Variants in SLC24A2 observed in about 807,000 individuals in gnomAD.
The protein encoded by SLC24A2 is sodium/potassium/calcium exchanger 2.
Under a neutral mutation model 62.0 loss-of-function variants are expected in SLC24A2, and 36 were observed. The observed-to-expected ratio is 0.58, with a 90% CI of 0.44 to 0.77. The LOEUF is 0.77. Among genes scored for constraint, SLC24A2 ranks in the 30% least tolerant of loss-of-function variants. The pLI is 0.00. For synonymous variants in SLC24A2, 358 were observed against 294.0 expected (o/e 1.22, Z -2.23); for missense variants, 846 against 817.9 (o/e 1.03, Z -0.42).
At chr9:20,072,223 C>G in the SLC24A2 span, among the ~76,000 whole-genome samples, 1 of 152,148 alleles carries the variant, frequency 6.6e-6, no homozygotes, top group African/African-American at 2.4e-5. Context: ...GTAAACCCAG[C>G]AACGCCTATC....
chr9:20,154,607 T>C, the SLC24A2 span, among the ~76,000 whole-genome samples: 1 of 150,824 alleles, frequency 6.6e-6, no homozygotes, highest in Admixed American at 6.6e-5. Context: ...GGTGTAGTTA[T>C]AACCATGTCA....
At chr9:19,706,443 G>C (rs62564206) in intron 2 of SLC24A2, among the ~76,000 whole-genome samples, 1 of 149,158 alleles carries the variant, frequency 6.7e-6, no homozygotes, top group Non-Finnish European at 1.5e-5. Context: ...GCAGTGGCGC[G>C]ATCTCGACTC....
chr9:20,266,240 T>A, the SLC24A2 span, among the ~76,000 whole-genome samples: 1 of 152,208 alleles, frequency 6.6e-6, no homozygotes, highest in Non-Finnish European at 1.5e-5. Flanking sequence ...GCTGGTTTTG[T>A]GGGTTGTGGG....
At chr9:19,684,248 C>G (rs1173744946) in intron 2 of SLC24A2, among the ~76,000 whole-genome samples, 1 of 152,034 alleles carries the variant, frequency 6.6e-6, no homozygotes, top group Non-Finnish European at 1.5e-5. Context: ...GTGGTTTGTT[C>G]TAAAAGAGGC....
chr9:19,989,563 T>A, the SLC24A2 span, among the ~76,000 whole-genome samples: 1 of 152,206 alleles, frequency 6.6e-6, no homozygotes, highest in Non-Finnish European at 1.5e-5. Context: ...TACTAAGTGA[T>A]CTGTCACTAT....
chr9:19,524,035 A>G (rs1479376419), intron 9 of SLC24A2, among the ~76,000 whole-genome samples: 1 of 149,726 alleles, frequency 6.7e-6, no homozygotes, highest in South Asian at 2.2e-4. Context: ...TGATGGGCAC[A>G]TGGACGGGAC....
At chr9:19,996,273 T>C in the SLC24A2 span, among the ~76,000 whole-genome samples, 2 of 152,196 alleles carry the variant, frequency 1.3e-5, no homozygotes, top group African/African-American at 2.4e-5. Context: ...AGGAGAGTGA[T>C]TGAATATTTT....
intron 5 of SLC24A2, among the ~76,000 whole-genome samples, chr9:19,596,727 T>C (rs1165818203): frequency 6.6e-6 from 1 of 152,232 alleles, no homozygotes; most frequent in Non-Finnish European, 1.5e-5. Flanking sequence ...CAATAGGGAC[T>C]GCAGGGAGAC....
At chr9:20,085,769 A>G in the SLC24A2 span, among the ~76,000 whole-genome samples, 766 of 152,274 alleles carry the variant, frequency 5.0e-3, 4 homozygotes, top group African/African-American at 0.017. Context: ...AGTTTCCAAA[A>G]TTTTTTCAAA....
chr9:20,122,098 T>A, the SLC24A2 span, among the ~76,000 whole-genome samples: 13 of 152,208 alleles, frequency 8.5e-5, no homozygotes, highest in African/African-American at 3.1e-4. Flanking sequence ...ACTGGATACC[T>A]AATTTGCTGG....
intron 2 of SLC24A2, among the ~76,000 whole-genome samples, chr9:19,730,664 C>T (rs571652287): frequency 1.6e-4 from 24 of 152,202 alleles, no homozygotes; most frequent in African/African-American, 5.5e-4. Flanking sequence ...GCTTAGAATA[C>T]ACACATATGT....
the SLC24A2 span, among the ~76,000 whole-genome samples, chr9:20,191,157 G>A: frequency 1.9e-4 from 22 of 117,034 alleles, no homozygotes; most frequent in Admixed American, 1.8e-3. Context: ...CATGTTTTCC[G>A]GACCTTTTTT....
At chr9:19,859,343 T>A in the SLC24A2 span, among the ~76,000 whole-genome samples, 1 of 152,056 alleles carries the variant, frequency 6.6e-6, no homozygotes, top group African/African-American at 2.4e-5. Context: ...TGGGGATTAC[T>A]TGAGGGTGGA....
the SLC24A2 span, among the ~76,000 whole-genome samples, chr9:19,904,366 TC>T: frequency 6.6e-6 from 1 of 152,176 alleles, no homozygotes; most frequent in Non-Finnish European, 1.5e-5. Flanking sequence ...CCATGTGCTC[TC>T]TTAGAGAGAA....
At chr9:20,270,655 C>G in the SLC24A2 span, among the ~76,000 whole-genome samples, 6 of 152,178 alleles carry the variant, frequency 3.9e-5, no homozygotes, top group African/African-American at 1.4e-4. Context: ...AAAGGCATAC[C>G]TACTCATTCA....
intron 2 of SLC24A2, among the ~76,000 whole-genome samples, chr9:19,649,305 T>C (rs918969008): frequency 1.3e-5 from 2 of 152,140 alleles, no homozygotes; most frequent in Admixed American, 1.3e-4. Flanking sequence ...CTTTTTTTTT[T>C]CCAGATAATA....
chr9:19,589,493 T>A (rs1483703876), intron 5 of SLC24A2, among the ~76,000 whole-genome samples: 1 of 152,236 alleles, frequency 6.6e-6, no homozygotes, highest in East Asian at 1.9e-4. Flanking sequence ...CATGTAATGT[T>A]TTTATAACAA....
the SLC24A2 span, among the ~76,000 whole-genome samples, chr9:20,244,316 A>C: frequency 6.6e-6 from 1 of 152,232 alleles, no homozygotes. Context: ...ACAAGTGAAA[A>C]ATAAGATGCT....
the SLC24A2 span, among the ~76,000 whole-genome samples, chr9:20,178,476 C>T: frequency 6.6e-6 from 1 of 152,140 alleles, no homozygotes; most frequent in Non-Finnish European, 1.5e-5. Context: ...GATTTTAACT[C>T]CTTGCTGCCT....
Sources: allele counts gnomAD v4.1 joint callset (sites outside exome capture counted in the v4.1 genomes callset), GRCh38; gene constraint gnomAD v4.1.1; transcripts MANE v1.5; gene names NCBI Gene and HGNC (gene_info 2026-07-23, HGNC 2026-07-21).